MRAS: variants seen among roughly 807,000 people sequenced by gnomAD.
MRAS encodes the protein ras-related protein M-Ras.
A neutral mutation model predicts 20.9 loss-of-function variants in MRAS; 4 were observed. That is an observed-to-expected ratio of 0.19 (90% CI 0.09 to 0.44). The LOEUF is 0.44. Ranked by LOEUF, MRAS falls within the 20% of genes least tolerant of loss-of-function variation. The pLI is 0.99. For synonymous variants in MRAS, 98 were observed against 102.9 expected, an observed-to-expected ratio of 0.95 and a Z score of 0.29; for missense variants, 154 against 277.5, an observed-to-expected ratio of 0.56 and a Z score of 3.16.
chr3:138,400,430 T>G, intron 4 of MRAS, 104 bp from the exon 5 acceptor site: 1 of 1,019,182 alleles, frequency 9.8e-7, no homozygotes, highest in South Asian at 1.4e-5. Flanking sequence ...GTGGGGGGTT[T>G]TGAAAGCACC....
intron 4 of MRAS, chr3:138,400,285 A>G (rs183918007): frequency 2.0e-4 from 87 of 435,050 alleles, no homozygotes; most frequent in African/African-American, 1.4e-3. Context: ...ACTTTATTCT[A>G]TTTTTAGGGA....
intron 1 of MRAS, among the ~76,000 whole-genome samples, chr3:138,372,337 A>G (rs2054692020): frequency 6.6e-6 from 1 of 152,164 alleles, no homozygotes; most frequent in Admixed American, 6.5e-5. Flanking sequence ...GCAGAGAGAA[A>G]GGAGCCACAA....
intron 2 of MRAS, among the ~76,000 whole-genome samples, chr3:138,392,792 A>G (rs1463197317): frequency 2.0e-5 from 3 of 152,204 alleles, no homozygotes; most frequent in Admixed American, 2.0e-4. Context: ...ATCTGCTTTT[A>G]ATAGATGGAT....
chr3:138,354,137 G>C (rs1176849386), intron 1 of MRAS, among the ~76,000 whole-genome samples: 1 of 152,238 alleles, frequency 6.6e-6, no homozygotes, highest in Admixed American at 6.5e-5. Flanking sequence ...GACGCTGGCT[G>C]GCAAAGAGAG....
intron 1 of MRAS, among the ~76,000 whole-genome samples, chr3:138,371,338 C>T (rs1388063852): frequency 6.6e-6 from 1 of 152,156 alleles, no homozygotes; most frequent in East Asian, 1.9e-4. Flanking sequence ...TTGTGTCCAG[C>T]CCCCTTTCTG....
chr3:138,366,770 G>A (rs962143536), intron 1 of MRAS, among the ~76,000 whole-genome samples: 5 of 152,234 alleles, frequency 3.3e-5, no homozygotes, highest in Admixed American at 6.5e-5. Context: ...AAGGGTGGGC[G>A]TTGTTGCTGC....
intron 1 of MRAS, among the ~76,000 whole-genome samples, chr3:138,358,930 C>G (rs1043989229): frequency 6.6e-6 from 1 of 152,252 alleles, no homozygotes; most frequent in Middle Eastern, 3.4e-3. Flanking sequence ...GGTTCCGCCT[C>G]CAGCTGGTGG....
At chr3:138,359,044 G>T (rs993183694) in intron 1 of MRAS, among the ~76,000 whole-genome samples, 1 of 152,142 alleles carries the variant, frequency 6.6e-6, no homozygotes, top group African/African-American at 2.4e-5. Context: ...TTATAAAAGT[G>T]CTGTATGTAG....
At chr3:138,374,747 T>C (rs1314330723) in intron 2 of MRAS, among the ~76,000 whole-genome samples, 1 of 152,208 alleles carries the variant, frequency 6.6e-6, no homozygotes, top group Non-Finnish European at 1.5e-5. Flanking sequence ...TCATGGAAGT[T>C]CCTTTCTATT....
intron 2 of MRAS, among the ~76,000 whole-genome samples, chr3:138,384,430 C>T (rs1034305823): frequency 6.6e-6 from 1 of 152,020 alleles, no homozygotes; most frequent in African/African-American, 2.4e-5. Flanking sequence ...AAGGAGGAAA[C>T]GACAGGATTT....
intron 4 of MRAS, among the ~76,000 whole-genome samples, chr3:138,399,113 C>T (rs892692860): frequency 4.6e-5 from 7 of 152,256 alleles, no homozygotes; most frequent in Admixed American, 6.5e-5. Flanking sequence ...GCACCCCTTA[C>T]CAGGGCCAGG....
At chr3:138,354,572 A>T (rs2054292306) in intron 1 of MRAS, among the ~76,000 whole-genome samples, 1 of 152,090 alleles carries the variant, frequency 6.6e-6, no homozygotes, top group East Asian at 1.9e-4. Context: ...CTCTGGGGAG[A>T]GTGTGTGTTT....
At chr3:138,353,438 A>C (rs1006502379) in intron 1 of MRAS, among the ~76,000 whole-genome samples, 1 of 151,976 alleles carries the variant, frequency 6.6e-6, no homozygotes, top group African/African-American at 2.4e-5. Context: ...CTTCACCTGG[A>C]CCCTTCTAGA....
intron 1 of MRAS, among the ~76,000 whole-genome samples, chr3:138,367,183 G>C (rs1362150985): frequency 1.3e-5 from 2 of 152,174 alleles, no homozygotes; most frequent in Admixed American, 1.3e-4. Context: ...AAGTCTACCA[G>C]GTTGAAGGGA....
At chr3:138,386,446 T>G (rs1219931293) in intron 2 of MRAS, among the ~76,000 whole-genome samples, 1 of 152,192 alleles carries the variant, frequency 6.6e-6, no homozygotes, top group Non-Finnish European at 1.5e-5. Flanking sequence ...CAGAATTCCA[T>G]TCTTTTTTAT....
At chr3:138,399,352 T>C (rs1213136740) in intron 4 of MRAS, among the ~76,000 whole-genome samples, 2 of 152,234 alleles carry the variant, frequency 1.3e-5, no homozygotes, top group Non-Finnish European at 2.9e-5. Flanking sequence ...GAGGCTCAAA[T>C]ATTTGTCCAA....
intron 4 of MRAS, among the ~76,000 whole-genome samples, chr3:138,399,702 T>A (rs1326091788): frequency 6.6e-6 from 1 of 152,228 alleles, no homozygotes; most frequent in Non-Finnish European, 1.5e-5. Context: ...CTTCCATCTG[T>A]CTCATCAAGG....
intron 2 of MRAS, among the ~76,000 whole-genome samples, chr3:138,390,881 A>G (rs2055118840): frequency 6.6e-6 from 1 of 152,244 alleles, no homozygotes; most frequent in Non-Finnish European, 1.5e-5. Flanking sequence ...TTGATCATTT[A>G]TATTTCTTGA....
At chr3:138,353,858 C>T (rs1294919529) in intron 1 of MRAS, among the ~76,000 whole-genome samples, 2 of 152,232 alleles carry the variant, frequency 1.3e-5, no homozygotes, top group African/African-American at 4.8e-5. Flanking sequence ...AAGTAGGTCA[C>T]CTGCAGTCAT....
Sources: gnomAD v4.1 joint callset for allele counts (sites outside exome capture counted in the v4.1 genomes callset) on GRCh38, gnomAD v4.1.1 for gene constraint, MANE v1.5 for transcripts, NCBI Gene and HGNC (gene_info 2026-07-23, HGNC 2026-07-21) for gene names.